The following PTPRQ variants were observed in gnomAD, a reference collection of about 807,000 sequenced individuals.
PTPRQ encodes protein tyrosine phosphatase receptor type Q.
Under a neutral mutation model 246.0 loss-of-function variants are expected in PTPRQ, and 199 were observed. That is an observed-to-expected ratio of 0.81 (90% CI 0.72 to 0.91). The LOEUF is 0.91. Ranked by LOEUF, PTPRQ falls within the 40% of genes least tolerant of loss-of-function variation. PTPRQ has a pLI of 0.00. For missense variants in PTPRQ, 2,624 were observed against 2,528.4 expected (o/e 1.04, Z -0.81); for synonymous variants, 869 against 853.2 (o/e 1.02, Z -0.32).
Position 80,608,621 on chromosome 12 carries a change from A to G in PTPRQ, c.4732-1818A>G, listed in dbSNP as rs538230306. ...TAAATAGTTAAATTTATAAGATCAA[A>G]CCCAGTGACCTTGTGGAAGTGTAGA... is the stretch of plus-strand genomic sequence containing the variant. On this transcript the variant is annotated intron_variant, in intron 27 of 44. Coordinates refer to ENST00000644991, the MANE Select transcript of PTPRQ (RefSeq NM_001145026.2). Among the ~76,000 whole-genome samples the G allele has an allele frequency of 1.6e-4, 22 of 135,034 alleles. No homozygotes were observed. The East Asian group carries it at 5.3e-3, about 32-fold the overall frequency. The allele number at this position is 135,034 out of a possible 152,430, so 88.6% of individuals were successfully genotyped here.
In PTPRQ at chr12:80,494,969, C is replaced by A; in HGVS notation, c.1577C>A (p.Ala526Asp). ...TRNQYITDIAAEQLSYVIRRL... is the reference protein window; with the variant it reads ...TRNQYITDIADEQLSYVIRRL... Reference sequence around the variant, plus strand: ...AATCAGTATATTACTGACATTGCAGCTGAACAGCTGTCTTATGTTATCAGG... The same window carrying A: ...AATCAGTATATTACTGACATTGCAGATGAACAGCTGTCTTATGTTATCAGG... The change falls in exon 11 of 45, where the codon GCT becomes GAT. Residue 526 changes from alanine to aspartate, a missense_variant. Transcript: ENST00000644991. 1 of 1,549,834 alleles carries A rather than the reference C, an allele frequency of 6.5e-7. No homozygotes were observed. The highest frequency in any genetic ancestry group is 1.2e-5 in the South Asian group (1 of 83,932).
intron 34 of PTPRQ, among the ~76,000 whole-genome samples, chr12:80,634,289 A>T (rs559837300): frequency 1.3e-5 from 2 of 152,326 alleles, no homozygotes; most frequent in South Asian, 4.1e-4. Flanking sequence ...AGAATAGCTA[A>T]ACATTACTTT....
chr12:80,652,968 A>T (rs1468468986), intron 38 of PTPRQ, 134 bp downstream of exon 38: 4 of 1,038,700 alleles, frequency 3.9e-6, no homozygotes, highest in Non-Finnish European at 3.7e-6. Context: ...GGCAGTGACT[A>T]CCAAATTATA....
chr12:80,445,540 G>T lies in PTPRQ; in HGVS notation c.213G>T (p.Gly71=). ...FLAGERVGSA[G]ILLSWNTPPN... ...CCGGGGAAAGAGTCGGATCTGCTGG[G>T]ATTCTTCTGTCTTGGAATACACCAC... is the stretch of plus-strand genomic sequence containing the variant. Residue 71 remains glycine, a synonymous_variant, in exon 3 of 45, where the codon GGG becomes GGT. Transcript: ENST00000644991. 1 of 1,549,188 alleles carries T rather than the reference G, an allele frequency of 6.5e-7. No homozygotes were observed. The highest frequency in any genetic ancestry group is 8.7e-7 in the Non-Finnish European group (1 of 1,145,722).
intron 43 of PTPRQ, among the ~76,000 whole-genome samples, chr12:80,677,369 C>A (rs943084659): frequency 1.5e-4 from 23 of 152,252 alleles, no homozygotes; most frequent in African/African-American, 5.1e-4. Flanking sequence ...CACTTCAATT[C>A]TTACCAAAAT....
intron 8 of PTPRQ, among the ~76,000 whole-genome samples, chr12:80,484,071 T>C (rs1894185145): frequency 1.3e-5 from 2 of 152,032 alleles, no homozygotes; most frequent in African/African-American, 4.8e-5. Context: ...AGTGGTGCAA[T>C]CTCCACTCAC....
intron 26 of PTPRQ, among the ~76,000 whole-genome samples, chr12:80,593,376 A>C (rs1196253837): frequency 6.6e-6 from 1 of 152,232 alleles, no homozygotes; most frequent in Non-Finnish European, 1.5e-5. Flanking sequence ...GCCCATAACA[A>C]AGAGCATCAA....
rs1899594704 is a variant in PTPRQ at position 80,635,071 on chromosome 12, G to A, written c.5913G>A (p.Thr1971=). The A allele has an allele frequency of 2.6e-6, 4 of 1,550,622 alleles. No homozygotes were observed. The highest frequency in any genetic ancestry group is 1.4e-5 in the African/African-American group (1 of 73,084). Residue 1971 remains threonine (T), a splice_region_variant and synonymous_variant, in exon 35 of 45, where the codon ACG becomes ACA. Transcript: ENST00000644991. Reference sequence around the variant, plus strand: ...TGGAACTGAAGGACGAGAGATTAACGCGGTGAGCACACTCCTCTGGGTGAA... The same window carrying A: ...TGGAACTGAAGGACGAGAGATTAACACGGTGAGCACACTCCTCTGGGTGAA... ...ADLELKDERL[T]RLLSYRKSIK...
intron 10 of PTPRQ, among the ~76,000 whole-genome samples, chr12:80,493,810 G>A (rs1449811986): frequency 1.3e-5 from 2 of 151,918 alleles, no homozygotes; most frequent in African/African-American, 4.8e-5. Flanking sequence ...TTGACTAATA[G>A]GTTTTCAAGT....
chr12:80,555,569 T>A (rs74481123), intron 25 of PTPRQ, among the ~76,000 whole-genome samples: 4 of 152,084 alleles, frequency 2.6e-5, no homozygotes, highest in African/African-American at 9.7e-5. Flanking sequence ...ATAAAGGATG[T>A]AGGAAAGTTG....
Position 80,632,298 on chromosome 12 carries a change from T to G in PTPRQ, c.5786+7T>G. 6.4e-7 allele frequency: 1 copy of G among 1,551,284 alleles called. No homozygotes were observed. Among genetic ancestry groups the G allele is most frequent in the Non-Finnish European group, 8.7e-7 (1 of 1,146,832 alleles). On this transcript the variant is annotated splice_region_variant and intron_variant, in intron 34 of 44. Coordinates refer to ENST00000644991, the MANE Select transcript of PTPRQ (RefSeq NM_001145026.2). ...CTATTTTTGCATTTGCAAGGTAAGA[T>G]TTATTTGCGCTTACATTCCAGGATG...
At chr12:80,473,689 T>C (rs989814109) in intron 8 of PTPRQ, among the ~76,000 whole-genome samples, 5 of 152,224 alleles carry the variant, frequency 3.3e-5, no homozygotes, top group African/African-American at 1.2e-4. Context: ...GTGTACAATG[T>C]CATGTTATTT....
rs1360942672 is a variant in PTPRQ, at chr12:80,642,921, A to C, written c.5916-5976A>C. The stretch of plus-strand genomic sequence containing the variant: ...GGCGACAGAGCGAGACTCCGTCTTA[A>C]AAAAAAAAAAAAAAAAAAAAAAAAA... On this transcript the variant is annotated intron_variant, in intron 35 of 44. Transcript: ENST00000644991. Among the ~76,000 whole-genome samples the C allele has an allele frequency of 1.0e-3, 135 of 135,554 alleles. 5 individuals are homozygous for C. The highest frequency in any genetic ancestry group is 4.0e-3 in the African/African-American group (130 of 32,824). The allele number at this position is 135,554 out of a possible 152,430, so 88.9% of individuals were successfully genotyped here.
chr12:80,659,059 G>C (rs1348921353), intron 39 of PTPRQ, among the ~76,000 whole-genome samples: 1 of 152,004 alleles, frequency 6.6e-6, no homozygotes, highest in Non-Finnish European at 1.5e-5. Context: ...GGGTCCTGTT[G>C]TCAAAGGAGT....
At chr12:80,627,469 A>G (rs1473673592) in intron 33 of PTPRQ, among the ~76,000 whole-genome samples, 1 of 151,646 alleles carries the variant, frequency 6.6e-6, no homozygotes, top group Non-Finnish European at 1.5e-5. Flanking sequence ...TCCATTTTAT[A>G]TGCATCTTTA....
At chr12:80,480,724 C>T (rs1455400676) in intron 8 of PTPRQ, among the ~76,000 whole-genome samples, 4 of 152,024 alleles carry the variant, frequency 2.6e-5, no homozygotes, top group Non-Finnish European at 4.4e-5. Flanking sequence ...TACAAACTAC[C>T]ATCAGAGAAT....
At chr12:80,676,877 T>G (rs1901161781) in intron 43 of PTPRQ, among the ~76,000 whole-genome samples, 1 of 152,126 alleles carries the variant, frequency 6.6e-6, no homozygotes, top group Admixed American at 6.6e-5. Flanking sequence ...CCTTTAAATC[T>G]TACAATACAG....
At chr12:80,451,014 CTT>C (rs970088567) in intron 3 of PTPRQ, among the ~76,000 whole-genome samples, 2 of 152,160 alleles carry the variant, frequency 1.3e-5, no homozygotes, top group African/African-American at 4.8e-5. Context: ...GTCCTGGACT[CTT>C]TTTCGTTGGC....
intron 3 of PTPRQ, among the ~76,000 whole-genome samples, chr12:80,456,748 G>C (rs1367494076): frequency 6.6e-6 from 1 of 152,056 alleles, no homozygotes; most frequent in African/African-American, 2.4e-5. Flanking sequence ...AGGGTATTTG[G>C]CATGATACAT....
Sources: allele counts gnomAD v4.1 joint callset (sites outside exome capture counted in the v4.1 genomes callset), GRCh38; gene constraint gnomAD v4.1.1; transcripts MANE v1.5; gene names NCBI Gene and HGNC (gene_info 2026-07-23, HGNC 2026-07-21).